The following MYO16 variants were observed in gnomAD, a reference collection of about 807,000 sequenced individuals.
MYO16 encodes the protein unconventional myosin-XVI.
A neutral mutation model predicts 205.3 loss-of-function variants in MYO16; 94 were observed. The observed-to-expected ratio is 0.46, with a 90% CI of 0.39 to 0.54. MYO16 has a LOEUF of 0.54. MYO16 is among the 20% of genes least tolerant of loss of function. MYO16 has a pLI of 0.00. For synonymous variants in MYO16, 988 were observed against 954.0 expected (o/e 1.04, Z -0.66); for missense variants, 2,315 against 2,387.5 (o/e 0.97, Z 0.63).
chr13:108,661,317 G>C (rs117140094), intron 1 of MYO16, among the ~76,000 whole-genome samples: 1 of 151,974 alleles, frequency 6.6e-6, no homozygotes, highest in East Asian at 1.9e-4. Context: ...CTTCTATTTA[G>C]ATGTCTAGGT....
intron 34 of MYO16, among the ~76,000 whole-genome samples, chr13:109,187,932 C>T (rs2139936421): frequency 6.6e-6 from 1 of 152,254 alleles, no homozygotes; most frequent in Non-Finnish European, 1.5e-5. Context: ...TCATCTATTC[C>T]TGAGAGAAGA....
intron 34 of MYO16, among the ~76,000 whole-genome samples, chr13:109,194,645 T>C (rs926295236): frequency 1.3e-5 from 2 of 152,104 alleles, no homozygotes; most frequent in Non-Finnish European, 2.9e-5. Flanking sequence ...GTTCCACATA[T>C]ATCTGGTTGG....
In MYO16 at chr13:108,992,465, T is replaced by C. The variant is rs780444359; in HGVS notation, c.2442+17T>C. 1.3e-6 allele frequency: 2 copies of C among 1,502,112 alleles called. No individual in the cohort carries two copies. The highest frequency in any genetic ancestry group is 1.7e-5 in the Admixed American group (1 of 58,120). The allele number at this position is 1,502,112 out of a possible 1,614,324, so 93.0% of individuals were successfully genotyped here. A position where few individuals can be genotyped will look rare whatever the true frequency, so the allele number is the denominator to read the frequency against. On this transcript the variant is annotated intron_variant, in intron 21 of 34. Coordinates refer to ENST00000457511, the MANE Select transcript of MYO16 (RefSeq NM_001198950.3). ...TTTGAACAAGTAAGTAGTCTTTCTT[T>C]TAAAATTGTGTGAACTTGAATGGCT...
chr13:109,044,641 G>C (rs1370136839), intron 23 of MYO16, among the ~76,000 whole-genome samples: 7 of 152,148 alleles, frequency 4.6e-5, no homozygotes, highest in African/African-American at 1.7e-4. Context: ...AAAGTCATGT[G>C]AGCATGGTTG....
intron 6 of MYO16, among the ~76,000 whole-genome samples, chr13:108,797,348 A>T (rs1039975915): frequency 1.3e-5 from 2 of 152,222 alleles, no homozygotes; most frequent in African/African-American, 4.8e-5. Flanking sequence ...TGTGATGTTG[A>T]AAGCTTTGAT....
intron 33 of MYO16, among the ~76,000 whole-genome samples, chr13:109,173,339 A>G (rs1043690239): frequency 5.3e-5 from 8 of 152,228 alleles, no homozygotes; most frequent in Non-Finnish European, 1.0e-4. Context: ...AATGAATCCC[A>G]TAAATAATGA....
chr13:108,772,515 T>G (rs1158077981), intron 4 of MYO16, among the ~76,000 whole-genome samples: 2 of 151,970 alleles, frequency 1.3e-5, no homozygotes. Context: ...TGTTAATAGG[T>G]ATGTGGTGTT....
intron 4 of MYO16, among the ~76,000 whole-genome samples, chr13:108,752,473 ACT>A (rs1253463671): frequency 6.6e-6 from 1 of 152,140 alleles, no homozygotes; most frequent in African/African-American, 2.4e-5. Context: ...TCCCGGGATA[ACT>A]CTGTAAGTGC....
At chr13:109,198,979 C>T (rs1441917897) in intron 34 of MYO16, among the ~76,000 whole-genome samples, 1 of 151,900 alleles carries the variant, frequency 6.6e-6, no homozygotes, top group Non-Finnish European at 1.5e-5. Flanking sequence ...GTCATTTCAT[C>T]ATAGAAAATG....
intron 4 of MYO16, among the ~76,000 whole-genome samples, chr13:108,781,431 G>T (rs1444881592): frequency 6.6e-6 from 1 of 152,210 alleles, no homozygotes; most frequent in Non-Finnish European, 1.5e-5. Flanking sequence ...TTATTCAGCA[G>T]CTCTCTCAGC....
chr13:108,666,124 G>A lies in MYO16; in HGVS notation c.267G>A (p.Ala89=), dbSNP rs1322141843. 1.9e-6 allele frequency: 3 copies of A among 1,608,934 alleles called. No homozygotes were observed. Among genetic ancestry groups the A allele is most frequent in the East Asian group, 2.2e-5 (1 of 44,688 alleles). ...ACCTCACGGACATGCTACAGGACGCGATTATCCACCACAATGACAAAGAAG... is the reference window on the plus strand; with the variant it reads ...ACCTCACGGACATGCTACAGGACGCAATTATCCACCACAATGACAAAGAAG... ...HFNLTDMLQD[A]IIHHNDKEVL... is the part of the protein sequence containing the mutation. The change falls in exon 2 of 35, where the codon GCG becomes GCA. Residue 89 remains alanine (A), a synonymous_variant. Coordinates refer to ENST00000457511, the MANE Select transcript of MYO16 (RefSeq NM_001198950.3).
chr13:109,032,245 TGG>T (rs1248388851), intron 23 of MYO16, among the ~76,000 whole-genome samples: 1 of 152,196 alleles, frequency 6.6e-6, no homozygotes, highest in African/African-American at 2.4e-5. Flanking sequence ...AACACAGCTC[TGG>T]CTTGTGTACC....
intron 12 of MYO16, among the ~76,000 whole-genome samples, chr13:108,881,018 C>G (rs1345273344): frequency 6.6e-6 from 1 of 152,172 alleles, no homozygotes; most frequent in Non-Finnish European, 1.5e-5. Context: ...CCCTGAGTAG[C>G]CTAATTGGGA....
At chr13:108,939,539 T>G (rs867580575) in intron 16 of MYO16, among the ~76,000 whole-genome samples, 2 of 152,212 alleles carry the variant, frequency 1.3e-5, no homozygotes, top group Non-Finnish European at 2.9e-5. Flanking sequence ...TTGATCCTTC[T>G]GTACTATCTT....
chr13:108,523,659 C>A, the MYO16 span, among the ~76,000 whole-genome samples: 104 of 152,314 alleles, frequency 6.8e-4, no homozygotes, highest in Admixed American at 1.1e-3. Flanking sequence ...TAAAGGGTCT[C>A]AGCTCTGGAA....
intron 27 of MYO16, among the ~76,000 whole-genome samples, chr13:109,058,467 T>TA: frequency 6.6e-6 from 1 of 152,286 alleles, no homozygotes; most frequent in African/African-American, 2.4e-5. Flanking sequence ...GCAAATCACA[T>TA]AAAGTTTTTG....
chr13:109,052,750 C>G (rs12430271), intron 25 of MYO16, among the ~76,000 whole-genome samples: 5,260 of 151,982 alleles, frequency 0.035, 130 homozygotes, highest in South Asian at 0.056. Flanking sequence ...TCTCTGACTG[C>G]CTTTTTGATG....
chr13:108,587,776 C>T, the MYO16 span, among the ~76,000 whole-genome samples: 3 of 152,152 alleles, frequency 2.0e-5, no homozygotes, highest in Admixed American at 6.6e-5. Context: ...TCAAACTCTA[C>T]TTTTAAACAC....
At chr13:108,798,784 C>A (rs193075679) in intron 6 of MYO16, among the ~76,000 whole-genome samples, 1,910 of 131,908 alleles carry the variant, frequency 0.014, 44 homozygotes, top group African/African-American at 0.05. Flanking sequence ...CGGCTCACTG[C>A]AAGCTCCGCC....
Sources: gnomAD v4.1 joint callset for allele counts (sites outside exome capture counted in the v4.1 genomes callset) on GRCh38, gnomAD v4.1.1 for gene constraint, MANE v1.5 for transcripts, NCBI Gene and HGNC (gene_info 2026-07-23, HGNC 2026-07-21) for gene names.